The following C3 variants were observed in gnomAD, a reference collection of about 807,000 sequenced individuals.
C3 encodes C3 and PZP-like alpha-2-macroglobulin domain-containing protein 1.
C3 carries 97 observed loss-of-function variants against 207.9 expected under a neutral mutation model. The ratio of observed to expected loss-of-function variants is 0.47; its 90% CI spans 0.40 to 0.55. The LOEUF is 0.55. C3 is among the 20% of genes least tolerant of loss of function. C3 has a pLI of 0.00. For synonymous variants in C3, 848 were observed against 857.6 expected (o/e 0.99, Z 0.20); for missense variants, 1,684 against 2,171.7 (o/e 0.78, Z 4.46).
intron 1 of C3, 36 bp downstream of exon 1, chr19:6,720,480 C>G (rs2145439166): frequency 6.7e-7 from 1 of 1,482,692 alleles, no homozygotes; most frequent in African/African-American, 1.4e-5. Flanking sequence ...CACCCCAGAA[C>G]CAGCCCTGTT....
intron 4 of C3, chr19:6,717,799 G>GTGT (rs1187017803): frequency 1.8e-6 from 1 of 548,110 alleles, no homozygotes; most frequent in Non-Finnish European, 3.3e-6. Context: ...GTTGTGTTGT[G>GTGT]TGTGTTGTGT....
At chr19:6,678,839 C>A (rs957067964) in intron 38 of C3, among the ~76,000 whole-genome samples, 3 of 152,072 alleles carry the variant, frequency 2.0e-5, no homozygotes, top group Non-Finnish European at 4.4e-5. Context: ...CCATCTACAA[C>A]CACACAGCCT....
At chr19:6,704,658 C>G (rs899882035) in intron 17 of C3, among the ~76,000 whole-genome samples, 8 of 151,954 alleles carry the variant, frequency 5.3e-5, no homozygotes, top group African/African-American at 1.9e-4. Context: ...ACTTGGGAGG[C>G]TGAGGCAGGA....
Position 6,679,514 on chromosome 19 carries a change from G to A in C3, c.4457-18C>T, listed in dbSNP as rs759236119. The stretch of plus-strand genomic sequence containing the variant: ...GCTTTCCTCTGCGGGCAGATGTGAT[G>A]TGAAGATGAGAGGATAAGGGCCTCC... On this transcript the variant is annotated intron_variant, in intron 36 of 40. Transcript: ENST00000245907. The A allele has an allele frequency of 2.6e-6, 4 of 1,558,042 alleles. No individual in the cohort carries two copies. Among genetic ancestry groups the A allele is most frequent in the Middle Eastern group, 1.7e-4 (1 of 5,952 alleles).
intron 6 of C3, 41 bp downstream of exon 6, chr19:6,714,125 C>T (rs747907120): frequency 5.6e-5 from 90 of 1,608,860 alleles, no homozygotes; most frequent in Non-Finnish European, 6.7e-5. Flanking sequence ...CTGGGCCAGG[C>T]GTTCTGGGCA....
chr19:6,689,342 TCCCTCCCTCC>T (rs1918103497), intron 27 of C3, among the ~76,000 whole-genome samples: 2 of 25,952 alleles, frequency 7.7e-5, no homozygotes, highest in African/African-American at 3.5e-4. Flanking sequence ...CCTCCCTCCC[TCCCTCCCTCC>T]CTCCCTCCCT....
In C3 at chr19:6,686,801, G is replaced by A. The variant is rs776726007; in HGVS notation, c.3591C>T (p.Ala1197=). The part of the protein sequence containing the change: ...YTVAIAGYAL[A]QMGRLKGPLL... ...GAGGCCCCTTCAGCCTGCCCATCTG[G>A]GCCAGAGCATAGCCAGCAATGGCCA... is the stretch of plus-strand genomic sequence containing the variant. The change falls in exon 28 of 41, where the codon GCC becomes GCT. Residue 1197 remains alanine, a synonymous_variant. Transcript: ENST00000245907. 12 of 1,614,060 alleles carry A rather than the reference G, an allele frequency of 7.4e-6. No homozygotes were observed. The highest frequency in any genetic ancestry group is 1.3e-5 in the African/African-American group (1 of 74,924).
In C3 at chr19:6,684,823, A is replaced by G; in HGVS notation, c.3981T>C (p.Asn1327=). The change falls in exon 31 of 41, where the codon AAT becomes AAC. Residue 1327 remains asparagine (N), a synonymous_variant. Transcript: ENST00000245907. Reference sequence around the variant, plus strand: ...CTTCAGCTGTGACTGTGAAACCCTCATTTTCCTTGGTCTGCAGAGTGAAAA... The same window carrying G: ...CTTCAGCTGTGACTGTGAAACCCTCGTTTTCCTTGGTCTGCAGAGTGAAAA... The part of the protein sequence containing the change: ...SLLRSEETKE[N]EGFTVTAEGK... The G allele has an allele frequency of 6.2e-7, 1 of 1,614,126 alleles. No individual in the cohort carries two copies. Among genetic ancestry groups the G allele is most frequent in the Non-Finnish European group, 8.5e-7 (1 of 1,180,016 alleles).
In C3 at chr19:6,718,159, A is replaced by G. The variant is rs767731378; in HGVS notation, c.439T>C (p.Tyr147His). ...TIYTPGSTVL[Y>H]RIFTVNHKLL... The stretch of plus-strand genomic sequence containing the variant: ...TTGTGGTTGACGGTGAAGATCCGAT[A>G]GAGAACTGGGGAGAGACAAAGAGGC... The change falls in exon 4 of 41, where the codon TAT becomes CAT. Residue 147 changes from tyrosine (Y) to histidine (H), a missense_variant. By Grantham distance (83) the Tyr-to-His change is moderately conservative (BLOSUM62 2). Coordinates refer to ENST00000245907, the MANE Select transcript of C3 (RefSeq NM_000064.4). 4.3e-6 allele frequency: 7 copies of G among 1,614,054 alleles called. No individual in the cohort carries two copies. The highest frequency in any genetic ancestry group is 5.9e-6 in the Non-Finnish European group (7 of 1,180,032).
chr19:6,697,540 A>G lies in C3; in HGVS notation c.2600T>C (p.Leu867Pro). Residue 867 changes from leucine to proline, a missense_variant, in exon 21 of 41, where the codon CTC (leucine) becomes CCC (proline). Physicochemically the swap from Leu to Pro is moderately conservative, Grantham distance 98. This residue lies in a region of C3 where 1,280 missense variants were observed against 1,739.1 expected (regional missense o/e 0.74). Transcript: ENST00000245907. ...NQELKVRVEL[L>P]HNPAFCSLAT... is the part of the protein sequence containing the mutation. ...CAGGCTGCAGAAGGCTGGATTGTGG[A>G]GTAGTTCCACCCTCACCTGCCAGGG... 6.2e-7 allele frequency: 1 copy of G among 1,613,882 alleles called. No individual in the cohort carries two copies. The highest frequency in any genetic ancestry group is 2.2e-5 in the East Asian group (1 of 44,878).
chr19:6,693,933 GTCAGGGCCTCAGAGGGC>G (rs1918234562), intron 24 of C3, among the ~76,000 whole-genome samples: 22 of 149,922 alleles, frequency 1.5e-4, no homozygotes, highest in Middle Eastern at 3.4e-3. Context: ...CCTGGGAGGA[GTCAGGGCCTCAGAGGGC>G]GTGGCCTTGA....
At chr19:6,706,636 C>G (rs541520424) in intron 17 of C3, among the ~76,000 whole-genome samples, 1 of 150,828 alleles carries the variant, frequency 6.6e-6, no homozygotes, top group Admixed American at 6.6e-5. Flanking sequence ...CATCCTCCCC[C>G]CTCAGACAGA....
intron 20 of C3, 22 bp downstream of exon 20, chr19:6,697,630 C>A: frequency 6.2e-6 from 10 of 1,614,046 alleles, no homozygotes; most frequent in Non-Finnish European, 8.5e-6. Flanking sequence ...CTCCAAGAAG[C>A]CTCTGCCACC....
At chr19:6,679,278 C>G in intron 37 of C3, 70 bp from the exon 38 acceptor site, 1 of 1,497,450 alleles carries the variant, frequency 6.7e-7, no homozygotes, top group Non-Finnish European at 9.3e-7. Flanking sequence ...ATGGGTGTGG[C>G]CAGCCCTGGG....
In C3 at chr19:6,700,373, TTATATATGTAATATATGA is replaced by T. The variant is rs1324452721; in HGVS notation, c.2440+1736_2440+1753del. Reference sequence around the variant, plus strand: ...TATGATATATATGTAATATGATATATTATATATGTAATATATGATATATATGTAATATGATATATTATA... The same window carrying T: ...TATGATATATATGTAATATGATATATTATATATGTAATATGATATATTATA... On this transcript the variant is annotated intron_variant, in intron 19 of 40. Coordinates refer to ENST00000245907, the MANE Select transcript of C3 (RefSeq NM_000064.4). Among the ~76,000 whole-genome samples the T allele has an allele frequency of 2.3e-5, 2 of 87,614 alleles. 1 individual carries two copies. Among genetic ancestry groups the T allele is most frequent in the Admixed American group, 3.4e-4 (2 of 5,966 alleles). 57.5% of individuals were successfully genotyped at this position (87,614 alleles called of 152,430 possible).
chr19:6,692,802 A>T, intron 26 of C3, 122 bp downstream of exon 26: 1 of 1,248,674 alleles, frequency 8.0e-7, no homozygotes, highest in Non-Finnish European at 1.2e-6. Context: ...CCCACCCCCC[A>T]GCCCAATCTT....
In C3 at chr19:6,719,414, G is replaced by A. The variant is rs765839398; in HGVS notation, c.75-11C>T. The A allele has an allele frequency of 3.1e-6, 5 of 1,613,040 alleles. No individual in the cohort carries two copies. The highest frequency in any genetic ancestry group is 4.2e-6 in the Non-Finnish European group (5 of 1,179,176). ...GTGATGATAGAGTACCTGTCGGAGT[G>A]GGGCACGGGAGTGGGCTTGTCATTC... On this transcript the variant is annotated splice_polypyrimidine_tract_variant and intron_variant, in intron 1 of 40. Coordinates refer to ENST00000245907, the MANE Select transcript of C3 (RefSeq NM_000064.4). The surrounding 1 kb of genome is among the most constrained non-coding windows in gnomAD (Gnocchi z 5.4).
chr19:6,711,686 G>A (rs138540910), intron 11 of C3, among the ~76,000 whole-genome samples: 37 of 152,290 alleles, frequency 2.4e-4, no homozygotes, highest in African/African-American at 8.4e-4. Flanking sequence ...AGTGGGGTGC[G>A]CAGCCTGGGA....
chr19:6,717,910 C>T (rs1394781510), intron 4 of C3, 184 bp downstream of exon 4: 2 of 684,972 alleles, frequency 2.9e-6, no homozygotes, highest in Non-Finnish European at 5.3e-6. Context: ...GTATTGTGTG[C>T]TGTGTGTGTG....
Sources: gnomAD v4.1 joint callset for allele counts (sites outside exome capture counted in the v4.1 genomes callset) on GRCh38, gnomAD v4.1.1 for gene constraint, gnomAD v4.1.1 regional missense constraint, Gnocchi (gnomAD v3.1) non-coding constraint, MANE v1.5 for transcripts, NCBI Gene and HGNC (gene_info 2026-07-23, HGNC 2026-07-21) for gene names.